The following ACOT1 variants were observed in gnomAD, a reference collection of about 807,000 sequenced individuals.
ACOT1 encodes the protein acyl-CoA thioesterase 1.
A neutral mutation model predicts 15.7 loss-of-function variants in ACOT1; 8 were observed. That is an observed-to-expected ratio of 0.51 (90% CI 0.30 to 0.92). The LOEUF is 0.92. Among genes scored for constraint, ACOT1 ranks in the 40% least tolerant of loss-of-function variants. The pLI, the probability that ACOT1 is intolerant of heterozygous loss-of-function variation, is 0.06. For synonymous variants in ACOT1, 67 were observed against 241.2 expected, an observed-to-expected ratio of 0.28 and a Z score of 6.69; for missense variants, 151 against 539.4, an observed-to-expected ratio of 0.28 and a Z score of 7.13.
chr14:73,495,120 C>A, the ACOT1 span: 1 of 923,738 alleles, frequency 1.1e-6, no homozygotes, highest in African/African-American at 1.7e-5. Context: ...GTACCCTTTC[C>A]TGACTCTTTC....
At chr14:73,522,863 T>G in the ACOT1 span, 1 of 1,614,152 alleles carries the variant, frequency 6.2e-7, no homozygotes, top group Non-Finnish European at 8.5e-7. Context: ...ATTGGTATTG[T>G]AGAGGTGGTC....
the ACOT1 span, chr14:73,490,958 A>T: frequency 7.7e-7 from 1 of 1,291,780 alleles, no homozygotes; most frequent in South Asian, 2.5e-5. Flanking sequence ...CGCTGCATTC[A>T]GGAACCGCTT....
chr14:73,496,592 C>G, the ACOT1 span: 7 of 1,572,314 alleles, frequency 4.5e-6, no homozygotes, highest in East Asian at 1.1e-4. Context: ...AGAGCTTGCA[C>G]TTATTTACCC....
chr14:73,513,484 C>T, the ACOT1 span, among the ~76,000 whole-genome samples: 20 of 144,594 alleles, frequency 1.4e-4, no homozygotes, highest in Admixed American at 6.3e-4. Context: ...AGGGCTGGCG[C>T]GGTGGCCAAG....
the ACOT1 span, chr14:73,522,491 T>A: frequency 6.2e-7 from 1 of 1,614,224 alleles, no homozygotes; most frequent in Non-Finnish European, 8.5e-7. Context: ...TCGAGGACGC[T>A]TGCTCTGGAT....
the ACOT1 span, chr14:73,492,235 A>G: frequency 1.2e-6 from 2 of 1,614,012 alleles, no homozygotes; most frequent in Non-Finnish European, 1.7e-6. This position sits in a 1 kb window ranked among gnomAD's most constrained non-coding sequence, Gnocchi z 4.9. Flanking sequence ...TCATTCACCA[A>G]GCTGAATGCC....
At chr14:73,503,066 T>A in the ACOT1 span, 1 of 1,379,284 alleles carries the variant, frequency 7.3e-7, no homozygotes, top group Non-Finnish European at 1.0e-6. Context: ...GTTAATTTTG[T>A]GCTTGGCGTT....
chr14:73,538,716 A>T (rs1888968174), intron 1 of ACOT1, among the ~76,000 whole-genome samples: 1 of 109,052 alleles, frequency 9.2e-6, no homozygotes, highest in African/African-American at 3.0e-5. Flanking sequence ...GGTGGCTAAC[A>T]CCTGTAATCC....
the ACOT1 span, chr14:73,491,622 C>T: frequency 2.6e-6 from 4 of 1,547,366 alleles, no homozygotes; most frequent in South Asian, 3.6e-5. Flanking sequence ...CGGCGGCGAG[C>T]GGCCCGCCTC....
chr14:73,509,551 T>C, the ACOT1 span: 1 of 1,489,932 alleles, frequency 6.7e-7, no homozygotes, highest in South Asian at 1.2e-5. Context: ...TACAGCCATG[T>C]GGTGGCCAAC....
the ACOT1 span, among the ~76,000 whole-genome samples, chr14:73,502,304 T>G: frequency 2.0e-5 from 3 of 152,118 alleles, no homozygotes; most frequent in African/African-American, 7.2e-5. Context: ...TTGTTCTAGT[T>G]TTTAATGATT....
At chr14:73,498,304 A>C in the ACOT1 span, 1 of 1,611,644 alleles carries the variant, frequency 6.2e-7, no homozygotes, top group Non-Finnish European at 8.5e-7. Context: ...AGAGCAGAAG[A>C]TCCGTCAGCT....
At chr14:73,523,940 T>C in the ACOT1 span, among the ~76,000 whole-genome samples, 37 of 152,202 alleles carry the variant, frequency 2.4e-4, 1 homozygote, top group Admixed American at 2.0e-3. Flanking sequence ...CCATTTCTTC[T>C]GTCTTTCAGA....
the ACOT1 span, among the ~76,000 whole-genome samples, chr14:73,507,716 G>A: frequency 4.0e-5 from 6 of 151,792 alleles, no homozygotes; most frequent in African/African-American, 1.5e-4. Flanking sequence ...GATTACAGGC[G>A]TGAGCGACCA....
chr14:73,537,357 G>T lies in ACOT1; in HGVS notation c.-65G>T. 1.7e-6 allele frequency: 2 copies of T among 1,188,802 alleles called. No individual in the cohort carries two copies. The highest frequency in any genetic ancestry group is 1.4e-5 in the South Asian group (1 of 69,530). 73.6% of individuals were successfully genotyped at this position (1,188,802 alleles called of 1,614,324 possible). On this transcript the variant is annotated 5_prime_UTR_variant, in exon 1 of 3. Transcript: ENST00000311148. ...CGACGGCAGCCCGAGAGGAAGAGTTGGGCAGAGTTGCAGGGGTCTCCACAG... is the reference window on the plus strand; with the variant it reads ...CGACGGCAGCCCGAGAGGAAGAGTTTGGCAGAGTTGCAGGGGTCTCCACAG...
chr14:73,533,881 TAAAAAA>T (rs59844752), upstream of ACOT1, among the ~76,000 whole-genome samples: 1 of 37,984 alleles, frequency 2.6e-5, no homozygotes, highest in South Asian at 1.0e-3. Context: ...ACCCTGTCTC[TAAAAAA>T]AAAAAAAAAA....
the ACOT1 span, chr14:73,492,999 CTTTTTTT>C: frequency 6.8e-7 from 1 of 1,460,246 alleles, no homozygotes; most frequent in South Asian, 1.3e-5. This position sits in a 1 kb window ranked among gnomAD's most constrained non-coding sequence, Gnocchi z 4.9. Context: ...CCACTGCTAC[CTTTTTTT>C]TTTTTTTTTC....
chr14:73,522,387 G>A, the ACOT1 span: 1 of 1,614,252 alleles, frequency 6.2e-7, no homozygotes, highest in Middle Eastern at 1.6e-4. Flanking sequence ...AGGAGCTCCA[G>A]GTCACTGGCA....
upstream of ACOT1, among the ~76,000 whole-genome samples, chr14:73,532,288 C>T (rs199933128): frequency 1.7e-5 from 2 of 115,544 alleles, 1 homozygote; most frequent in East Asian, 1.3e-3. Flanking sequence ...CCCTGATCTC[C>T]AAATCCTGGC....
Sources: allele counts gnomAD v4.1 joint callset (sites outside exome capture counted in the v4.1 genomes callset), GRCh38; gene constraint gnomAD v4.1.1; non-coding constraint Gnocchi (gnomAD v3.1); transcripts MANE v1.5; gene names NCBI Gene and HGNC (gene_info 2026-07-23, HGNC 2026-07-21).